Variants in CADPS observed in about 807,000 individuals in gnomAD.
CADPS encodes the protein calcium dependent secretion activator, also known as calcium-dependent secretion activator 1.
CADPS carries 57 observed loss-of-function variants against 167.3 expected under a neutral mutation model. The ratio of observed to expected loss-of-function variants is 0.34; its 90% confidence interval spans 0.28 to 0.42. The LOEUF is 0.42. Among genes scored for constraint, CADPS ranks in the 20% least tolerant of loss-of-function variants. The pLI, the probability that CADPS is intolerant of heterozygous loss-of-function variation, is 1.00. For missense variants in CADPS, 1,414 were observed against 1,738.1 expected (o/e 0.81, Z 3.32); for synonymous variants, 676 against 635.3 (o/e 1.06, Z -0.96).
intron 3 of CADPS, among the ~76,000 whole-genome samples, chr3:62,752,942 G>A (rs140205939): frequency 0.019 from 2,894 of 152,268 alleles, 48 homozygotes; most frequent in South Asian, 0.059. Context: ...CTCAGCTCTC[G>A]CCATCAGAAC....
At position 62,568,405 on chromosome 3, in the gene CADPS, G is replaced by C. The variant is rs76048481; in HGVS notation, c.1644+2467C>G. Among the ~76,000 whole-genome samples, 1,012 of 152,356 alleles carry C rather than the reference G, an allele frequency of 6.6e-3. 5 individuals carry two copies. Among genetic ancestry groups the C allele is most frequent in the Non-Finnish European group, 9.4e-3 (640 of 68,028 alleles). ...GCTAGAACGAAGCAGGTGGAAGGAG[G>C]TGGGATAAGACTGCTTGCCGAGTCT... On this transcript the variant is annotated intron_variant, in intron 9 of 29. Coordinates refer to ENST00000383710, the MANE Select transcript of CADPS (RefSeq NM_003716.4).
chr3:62,767,463 T>TA (rs1470518471), intron 1 of CADPS, among the ~76,000 whole-genome samples: 9 of 152,300 alleles, frequency 5.9e-5, no homozygotes, highest in Admixed American at 5.2e-4. Flanking sequence ...CGAGTTCTTT[T>TA]AAAAAATTAA....
intron 8 of CADPS, 88 bp downstream of exon 8, chr3:62,585,097 T>G: frequency 8.0e-7 from 1 of 1,242,684 alleles, no homozygotes; most frequent in Middle Eastern, 1.9e-4. Flanking sequence ...TACATAGTTC[T>G]CTGAAGATCT....
intron 3 of CADPS, among the ~76,000 whole-genome samples, chr3:62,723,931 C>G (rs1425427720): frequency 6.6e-6 from 1 of 152,158 alleles, no homozygotes. Flanking sequence ...ATGCCCAAGG[C>G]AGGGTGGAGG....
intron 28 of CADPS, among the ~76,000 whole-genome samples, chr3:62,415,250 C>A (rs773427064): frequency 7.2e-5 from 11 of 152,022 alleles, no homozygotes; most frequent in Non-Finnish European, 1.5e-4. Context: ...CACATTTTAT[C>A]AAAAAACGGC....
intron 3 of CADPS, among the ~76,000 whole-genome samples, chr3:62,710,547 T>C (rs1169134447): frequency 1.3e-5 from 2 of 152,122 alleles, no homozygotes; most frequent in Admixed American, 6.5e-5. Flanking sequence ...GATCAAGATG[T>C]GTAATATGTT....
rs149549978 is a variant in CADPS, at chr3:62,421,755, G to A, written c.3777+16349C>T. 2.6e-5 allele frequency among the ~76,000 whole-genome samples: 4 copies of A among 152,290 alleles called. No individual in the cohort carries two copies. Among genetic ancestry groups the A allele is most frequent in the East Asian group, 1.9e-4 (1 of 5,174 alleles). ...TAATATTGTGTGTGAGGCTGGAGAC[G>A]CATTTGGAGTTCTTTCCTAGGGATG... is the stretch of plus-strand genomic sequence containing the variant. On this transcript the variant is annotated intron_variant, in intron 28 of 29. Transcript: ENST00000383710. This position sits in a 1 kb window ranked among gnomAD's most constrained non-coding sequence, Gnocchi z 4.7.
chr3:62,548,237 A>G (rs1361069184), intron 11 of CADPS, among the ~76,000 whole-genome samples: 3 of 152,226 alleles, frequency 2.0e-5, no homozygotes, highest in Non-Finnish European at 2.9e-5. Flanking sequence ...AAAACACACA[A>G]CAATTAAACA....
chr3:62,635,404 C>T, intron 6 of CADPS, among the ~76,000 whole-genome samples: 1 of 152,108 alleles, frequency 6.6e-6, no homozygotes. Flanking sequence ...CATTCCTTCC[C>T]TCTCTAGTAA....
chr3:62,481,035 G>A (rs2061944850), intron 22 of CADPS, among the ~76,000 whole-genome samples: 1 of 152,134 alleles, frequency 6.6e-6, no homozygotes, highest in African/African-American at 2.4e-5. Context: ...AGATGATATG[G>A]CTACCACAAA....
At chr3:62,459,626 G>T (rs940541432) in intron 26 of CADPS, among the ~76,000 whole-genome samples, 14 of 152,304 alleles carry the variant, frequency 9.2e-5, no homozygotes, top group Non-Finnish European at 1.5e-4. Context: ...AGATGAGGTT[G>T]GGTCCCTTTG....
chr3:62,866,145 T>C (rs1479590506), intron 1 of CADPS, among the ~76,000 whole-genome samples: 1 of 152,138 alleles, frequency 6.6e-6, no homozygotes, highest in African/African-American at 2.4e-5. Flanking sequence ...AGAAGGCTTT[T>C]CTCTACAATG....
At chr3:62,751,305 T>C (rs1023944230) in intron 3 of CADPS, among the ~76,000 whole-genome samples, 1 of 152,222 alleles carries the variant, frequency 6.6e-6, no homozygotes, top group Non-Finnish European at 1.5e-5. Flanking sequence ...TATTTTTGTA[T>C]GTATAAATTA....
At position 62,851,068 on chromosome 3, in the gene CADPS, T is replaced by A. The variant is rs899863913; in HGVS notation, c.441+23521A>T. Among the ~76,000 whole-genome samples the A allele has an allele frequency of 7.8e-5, 9 of 115,088 alleles. No individual in the cohort carries two copies. The Admixed American group carries it at 8.4e-4, about 11-fold the overall frequency. 75.5% of individuals were successfully genotyped at this position (115,088 alleles called of 152,430 possible). A position where few individuals can be genotyped will look rare whatever the true frequency, so the allele number is the denominator to read the frequency against. On this transcript the variant is annotated intron_variant, in intron 1 of 29. Transcript: ENST00000383710. ...TCTTTTGATCTTTGTTGGTTTAAAG[T>A]CTGTTTTATCAGAGACTAGGATTGC... is the stretch of plus-strand genomic sequence containing the variant.
At chr3:62,854,979 C>G (rs950553302) in intron 1 of CADPS, among the ~76,000 whole-genome samples, 5 of 151,928 alleles carry the variant, frequency 3.3e-5, no homozygotes, top group African/African-American at 1.2e-4. Flanking sequence ...GGCTGGAGTA[C>G]AGTGGCATGA....
chr3:62,708,855 G>C (rs970281337), intron 3 of CADPS, among the ~76,000 whole-genome samples: 2 of 151,934 alleles, frequency 1.3e-5, no homozygotes, highest in South Asian at 4.2e-4. Flanking sequence ...AGAGCATTTC[G>C]ACTTTCAGGG....
intron 1 of CADPS, among the ~76,000 whole-genome samples, chr3:62,794,347 C>T (rs1322415173): frequency 1.3e-5 from 2 of 152,206 alleles, no homozygotes; most frequent in African/African-American, 4.8e-5. Flanking sequence ...CCTTTAAGCA[C>T]TTTTTGTATA....
intron 23 of CADPS, among the ~76,000 whole-genome samples, chr3:62,475,584 G>GA (rs34263556): frequency 0.37 from 20,514 of 55,892 alleles, 7,244 homozygotes; most frequent in Non-Finnish European, 0.43. Flanking sequence ...CAGTTCTTAA[G>GA]AAAAAAAAAA....
chr3:62,419,033 A>G (rs931609195), intron 28 of CADPS, among the ~76,000 whole-genome samples: 3 of 152,232 alleles, frequency 2.0e-5, no homozygotes, highest in Non-Finnish European at 4.4e-5. Flanking sequence ...CGATTTTGTG[A>G]CACTTACATA....
Sources: gnomAD v4.1 joint callset for allele counts (sites outside exome capture counted in the v4.1 genomes callset) on GRCh38, gnomAD v4.1.1 for gene constraint, Gnocchi (gnomAD v3.1) non-coding constraint, MANE v1.5 for transcripts, NCBI Gene and HGNC (gene_info 2026-07-23, HGNC 2026-07-21) for gene names.